Variants in CADPS observed in about 807,000 individuals in gnomAD.
CADPS encodes the protein calcium dependent secretion activator, also known as calcium-dependent secretion activator 1.
In CADPS, 57 loss-of-function variants were observed where a neutral mutation model predicts 167.3. That is an observed-to-expected ratio of 0.34 (90% confidence interval 0.28 to 0.42). CADPS has a LOEUF of 0.42. CADPS is among the 20% of genes least tolerant of loss of function. CADPS has a pLI of 1.00. For synonymous variants in CADPS, 676 were observed against 635.3 expected (o/e 1.06, Z -0.96); for missense variants, 1,414 against 1,738.1 (o/e 0.81, Z 3.32).
chr3:62,840,577 A>G (rs542073887), intron 1 of CADPS, among the ~76,000 whole-genome samples: 1 of 152,252 alleles, frequency 6.6e-6, no homozygotes, highest in East Asian at 1.9e-4. Context: ...TTATATATGT[A>G]TATATAAAAA....
At chr3:62,857,080 A>G (rs913621278) in intron 1 of CADPS, among the ~76,000 whole-genome samples, 3 of 152,082 alleles carry the variant, frequency 2.0e-5, no homozygotes, top group Non-Finnish European at 4.4e-5. Flanking sequence ...ACAAAACTTA[A>G]ATTTCACAAA....
chr3:62,816,386 T>C (rs2094612982), intron 1 of CADPS, among the ~76,000 whole-genome samples: 1 of 152,114 alleles, frequency 6.6e-6, no homozygotes, highest in Non-Finnish European at 1.5e-5. Flanking sequence ...AAGGTGGGTA[T>C]GTTATTATTC....
chr3:62,498,702 C>A (rs920302768), intron 18 of CADPS, among the ~76,000 whole-genome samples: 1 of 149,956 alleles, frequency 6.7e-6, no homozygotes, highest in Non-Finnish European at 1.5e-5. Flanking sequence ...ACAACCCAGG[C>A]AATCTAAGAT....
chr3:62,440,361 T>C (rs896164659), intron 27 of CADPS: 1 of 152,222 alleles, frequency 6.6e-6, no homozygotes, highest in African/African-American at 2.4e-5. Flanking sequence ...GCCTTAGTTA[T>C]GCTATCTATA....
chr3:62,581,767 G>T (rs967438189), intron 8 of CADPS, among the ~76,000 whole-genome samples: 1 of 151,984 alleles, frequency 6.6e-6, no homozygotes, highest in Non-Finnish European at 1.5e-5. Flanking sequence ...TCTGGGTGTC[G>T]GGGGGGCATT....
chr3:62,544,758 G>T lies in CADPS; in HGVS notation c.1966+5145C>A. 1.8e-6 allele frequency: 1 copy of T among 564,744 alleles called. No homozygotes were observed. Among genetic ancestry groups the T allele is most frequent in the Non-Finnish European group, 2.4e-6 (1 of 418,818 alleles). 35.0% of individuals were successfully genotyped at this position (564,744 alleles called of 1,614,324 possible). On this transcript the variant is annotated intron_variant, in intron 11 of 29. Coordinates refer to ENST00000383710, the MANE Select transcript of CADPS (RefSeq NM_003716.4). This position sits in a 1 kb window ranked among gnomAD's most constrained non-coding sequence, Gnocchi z 4.4. ...GTTGTACTACAAATTCTAGACATGA[G>T]GAAGATTTAAGGGGGAGGGAAGCAC...
intron 14 of CADPS, among the ~76,000 whole-genome samples, chr3:62,517,493 T>C (rs1048659892): frequency 1.4e-4 from 21 of 152,298 alleles, no homozygotes; most frequent in African/African-American, 5.1e-4. Flanking sequence ...TCCAGTTCTA[T>C]ATCTGGTATA....
chr3:62,852,156 T>C (rs936170500), intron 1 of CADPS, among the ~76,000 whole-genome samples: 1 of 150,044 alleles, frequency 6.7e-6, no homozygotes, highest in Admixed American at 6.7e-5. Context: ...CTGTATTGGT[T>C]ATTCTAGTTA....
chr3:62,422,289 C>T (rs1275466624), intron 28 of CADPS, among the ~76,000 whole-genome samples: 1 of 152,096 alleles, frequency 6.6e-6, no homozygotes, highest in Admixed American at 6.5e-5. Context: ...CCCCTGAGCC[C>T]CCAACCTGAA....
At chr3:62,635,768 T>C (rs2066185722) in intron 6 of CADPS, among the ~76,000 whole-genome samples, 1 of 152,126 alleles carries the variant, frequency 6.6e-6, no homozygotes, top group Non-Finnish European at 1.5e-5. Flanking sequence ...ATCAGTACTC[T>C]GAAGAGGTTT....
chr3:62,555,471 T>C (rs1176269994), intron 10 of CADPS, among the ~76,000 whole-genome samples: 1 of 152,218 alleles, frequency 6.6e-6, no homozygotes, highest in Non-Finnish European at 1.5e-5. Context: ...AAGCGTGACA[T>C]GGGTTAGACC....
intron 3 of CADPS, among the ~76,000 whole-genome samples, chr3:62,664,002 T>A (rs1317535640): frequency 2.0e-5 from 3 of 152,158 alleles, no homozygotes; most frequent in Non-Finnish European, 4.4e-5. Flanking sequence ...TTTGACCAAC[T>A]CAACTATTTA....
chr3:62,500,960 G>A (rs2065671335), intron 17 of CADPS, among the ~76,000 whole-genome samples: 1 of 152,292 alleles, frequency 6.6e-6, no homozygotes, highest in Non-Finnish European at 1.5e-5. Context: ...GGTGATTAGT[G>A]GGACAGGGTA....
chr3:62,703,122 T>A (rs2081716558), intron 3 of CADPS, among the ~76,000 whole-genome samples: 1 of 152,168 alleles, frequency 6.6e-6, no homozygotes, highest in African/African-American at 2.4e-5. Context: ...AATATATTAT[T>A]AAAAACTTGT....
chr3:62,812,944 A>G (rs1211273086), intron 1 of CADPS, among the ~76,000 whole-genome samples: 1 of 152,148 alleles, frequency 6.6e-6, no homozygotes, highest in African/African-American at 2.4e-5. Flanking sequence ...AAAGCACAGG[A>G]GTAGAAGGGC....
chr3:62,731,797 A>T (rs73841686), intron 3 of CADPS, among the ~76,000 whole-genome samples: 14,214 of 113,734 alleles, frequency 0.12, 1,207 homozygotes, highest in African/African-American at 0.26. Context: ...AAAGAAACTG[A>T]TCATATGCAA....
chr3:62,845,606 T>C (rs1258865855), intron 1 of CADPS, among the ~76,000 whole-genome samples: 2 of 152,198 alleles, frequency 1.3e-5, no homozygotes, highest in African/African-American at 4.8e-5. Flanking sequence ...AAATTCCATT[T>C]ATTCTCTGTT....
intron 1 of CADPS, among the ~76,000 whole-genome samples, chr3:62,775,051 T>C (rs983228034): frequency 1.3e-5 from 2 of 152,102 alleles, no homozygotes; most frequent in African/African-American, 4.8e-5. Context: ...TTGTTTTGTT[T>C]TTGAGACAGA....
chr3:62,781,231 C>T (rs2091523664), intron 1 of CADPS, among the ~76,000 whole-genome samples: 1 of 152,106 alleles, frequency 6.6e-6, no homozygotes, highest in Non-Finnish European at 1.5e-5. Flanking sequence ...TGTTTGCTAC[C>T]CTGAAGGCAT....
Sources: gnomAD v4.1 joint callset for allele counts (sites outside exome capture counted in the v4.1 genomes callset) on GRCh38, gnomAD v4.1.1 for gene constraint, Gnocchi (gnomAD v3.1) non-coding constraint, MANE v1.5 for transcripts, NCBI Gene and HGNC (gene_info 2026-07-23, HGNC 2026-07-21) for gene names.